Variants in SEC14L5 observed in about 807,000 individuals in gnomAD.
SEC14L5 encodes SEC14 like lipid binding 5, also known as SEC14-like protein 5.
SEC14L5 carries 96 observed loss-of-function variants against 84.6 expected under a neutral mutation model. That is an observed-to-expected ratio of 1.13 (90% CI 0.96 to 1.34). SEC14L5 has a LOEUF of 1.34. Ranked by LOEUF, SEC14L5 falls within the 40% of genes most tolerant of loss-of-function variation. The pLI is 0.00. For synonymous variants in SEC14L5, 546 were observed against 383.4 expected, an observed-to-expected ratio of 1.42 and a Z score of -4.95; for missense variants, 1,224 against 942.5, an observed-to-expected ratio of 1.30 and a Z score of -3.91.
chr16:4,996,712 C>T (rs1955614225), intron 7 of SEC14L5, 143 bp from the exon 8 acceptor site: 2 of 677,962 alleles, frequency 3.0e-6, no homozygotes, highest in East Asian at 5.5e-5. Context: ...GCTGGGGTTA[C>T]AGGCGCACAC....
rs1193001425 is a variant in SEC14L5, at chr16:5,007,461, G to C, written c.1547G>C (p.Ser516Thr). Residue 516 changes from serine (S) to threonine (T), a missense_variant, in exon 13 of 16, where the codon AGC (serine) becomes ACC (threonine). Coordinates refer to ENST00000251170, the MANE Select transcript of SEC14L5 (RefSeq NM_014692.2). Reference sequence around the variant, plus strand: ...TGGAGTGAGACCTACCATTCAGCCAGCGTGCTCCGCGGAGCCCCCCACGAG... The same window carrying C: ...TGGAGTGAGACCTACCATTCAGCCACCGTGCTCCGCGGAGCCCCCCACGAG... ...WQWSETYHSASVLRGAPHEVA... is the reference protein window; with the variant it reads ...WQWSETYHSATVLRGAPHEVA... 1.2e-6 allele frequency: 2 copies of C among 1,613,584 alleles called. No individual in the cohort carries two copies. The highest frequency in any genetic ancestry group is 2.7e-5 in the African/African-American group (2 of 74,938).
At chr16:5,002,289 T>G (rs1427898538) in intron 10 of SEC14L5, among the ~76,000 whole-genome samples, 1 of 142,318 alleles carries the variant, frequency 7.0e-6, no homozygotes, top group Admixed American at 8.1e-5. Flanking sequence ...GTTCCTTTGC[T>G]GTTTGCAGAT....
chr16:4,963,627 C>T (rs368570525), intron 2 of SEC14L5, among the ~76,000 whole-genome samples: 36 of 150,352 alleles, frequency 2.4e-4, no homozygotes, highest in African/African-American at 7.8e-4. Flanking sequence ...ATTAGAGGCG[C>T]GAGCCACTGG....
intron 11 of SEC14L5, 52 bp from the exon 12 acceptor site, chr16:5,005,862 T>TAAAAA (rs1955724701): frequency 1.4e-6 from 1 of 722,640 alleles, no homozygotes. Flanking sequence ...AGACTCCGTC[T>TAAAAA]CAAAAAAAAA....
At chr16:5,010,590 G>A (rs955663239) in intron 14 of SEC14L5, among the ~76,000 whole-genome samples, 6 of 152,078 alleles carry the variant, frequency 3.9e-5, no homozygotes, top group East Asian at 1.9e-4. Context: ...GTGGAGGGCC[G>A]TCCTGCATGT....
At chr16:4,996,061 C>G (rs774476085) in intron 6 of SEC14L5, among the ~76,000 whole-genome samples, 3 of 152,108 alleles carry the variant, frequency 2.0e-5, no homozygotes, top group Non-Finnish European at 4.4e-5. Context: ...AGAACATCCC[C>G]AGAGGGTGGG....
chr16:5,008,862 G>A (rs1439594752), intron 14 of SEC14L5, among the ~76,000 whole-genome samples: 1 of 152,200 alleles, frequency 6.6e-6, no homozygotes, highest in South Asian at 2.1e-4. Context: ...AGAAAGCACG[G>A]GGTGCTCTGC....
At chr16:5,002,447 C>T (rs1955687394) in intron 10 of SEC14L5, among the ~76,000 whole-genome samples, 1 of 152,100 alleles carries the variant, frequency 6.6e-6, no homozygotes, top group Non-Finnish European at 1.5e-5. Flanking sequence ...CAGGTGCCTG[C>T]CACCACGCCT....
chr16:4,982,297 C>G (rs11640880), intron 2 of SEC14L5, among the ~76,000 whole-genome samples: 18 of 152,056 alleles, frequency 1.2e-4, no homozygotes, highest in Non-Finnish European at 2.4e-4. Context: ...ATTTTTGGAG[C>G]CTGCCTTGAT....
At chr16:4,998,038 C>T (rs1287785652) in intron 8 of SEC14L5, among the ~76,000 whole-genome samples, 7 of 142,972 alleles carry the variant, frequency 4.9e-5, no homozygotes, top group African/African-American at 1.8e-4. Context: ...GAGTCTGGCT[C>T]TGTCACCCAG....
chr16:4,959,468 C>A, intron 2 of SEC14L5, 82 bp downstream of exon 2: 3 of 1,155,664 alleles, frequency 2.6e-6, no homozygotes, highest in Non-Finnish European at 3.9e-6. Context: ...AGACGGAGCT[C>A]CTTAGACTCC....
intron 11 of SEC14L5, among the ~76,000 whole-genome samples, chr16:5,004,559 A>T (rs561381070): frequency 2.0e-4 from 31 of 152,088 alleles, no homozygotes; most frequent in Middle Eastern, 3.4e-3. Flanking sequence ...GTCCTTGCAG[A>T]ATCCTGGGGA....
At chr16:4,964,015 T>A (rs1225532602) in intron 2 of SEC14L5, among the ~76,000 whole-genome samples, 1 of 152,204 alleles carries the variant, frequency 6.6e-6, no homozygotes, top group Non-Finnish European at 1.5e-5. Flanking sequence ...GCATTCCGTA[T>A]CATTGGGTTC....
At chr16:4,981,255 GTTTTTTTTTTTTTT>G (rs58882220) in intron 2 of SEC14L5, among the ~76,000 whole-genome samples, 125 of 92,942 alleles carry the variant, frequency 1.3e-3, no homozygotes, top group Admixed American at 6.1e-3. Context: ...TAGCTAATTG[GTTTTTTTTTTTTTT>G]TTTTTTTTTT....
At chr16:4,969,320 G>A (rs765394412) in intron 2 of SEC14L5, among the ~76,000 whole-genome samples, 2 of 152,092 alleles carry the variant, frequency 1.3e-5, no homozygotes, top group African/African-American at 4.8e-5. Context: ...AAGGCTGTGC[G>A]AGGTGGATTC....
intron 2 of SEC14L5, among the ~76,000 whole-genome samples, chr16:4,984,607 C>A (rs1186022639): frequency 6.6e-6 from 1 of 152,184 alleles, no homozygotes; most frequent in Non-Finnish European, 1.5e-5. Flanking sequence ...TGAAGAACTG[C>A]CACACTGTTT....
At chr16:4,981,016 G>T (rs967380513) in intron 2 of SEC14L5, among the ~76,000 whole-genome samples, 3 of 152,152 alleles carry the variant, frequency 2.0e-5, no homozygotes, top group South Asian at 4.1e-4. Context: ...CCAGATGAGG[G>T]GGCTGGGATG....
chr16:4,982,438 G>A (rs1955435592), intron 2 of SEC14L5, among the ~76,000 whole-genome samples: 1 of 152,154 alleles, frequency 6.6e-6, no homozygotes, highest in Non-Finnish European at 1.5e-5. Context: ...AACTGGGCAC[G>A]GACCCTTGCC....
At chr16:4,996,315 C>T in intron 6 of SEC14L5, 33 bp from the exon 7 acceptor site, 1 of 1,284,768 alleles carries the variant, frequency 7.8e-7, no homozygotes, top group Non-Finnish European at 1.1e-6. Flanking sequence ...CAGCGTCTCC[C>T]TCTTGTCCTG....
Sources: gnomAD v4.1 joint callset for allele counts (sites outside exome capture counted in the v4.1 genomes callset) on GRCh38, gnomAD v4.1.1 for gene constraint, MANE v1.5 for transcripts, NCBI Gene and HGNC (gene_info 2026-07-23, HGNC 2026-07-21) for gene names.